TULP4: variants seen among roughly 807,000 people sequenced by gnomAD.
TULP4 encodes the protein tubby-related protein 4.
Under a neutral mutation model 129.0 loss-of-function variants are expected in TULP4, and 16 were observed. The ratio of observed to expected loss-of-function variants is 0.12; its 90% CI spans 0.08 to 0.19. The LOEUF (loss-of-function observed/expected upper bound fraction) is 0.19. Among genes scored for constraint, TULP4 ranks in the 10% least tolerant of loss-of-function variants. The probability of loss-of-function intolerance (pLI) is 1.00; values close to 1 mark genes in which losing one functional copy is unlikely to be tolerated. For synonymous variants in TULP4, 998 were observed against 854.0 expected (o/e 1.17, Z -2.94); for missense variants, 1,842 against 2,059.1 (o/e 0.89, Z 2.04).
At chr6:158,396,833 CT>C (rs1777729185) in intron 1 of TULP4, among the ~76,000 whole-genome samples, 1 of 152,154 alleles carries the variant, frequency 6.6e-6, no homozygotes, top group African/African-American at 2.4e-5. Flanking sequence ...AATGTATGTA[CT>C]TTCCCCCCAA....
chr6:158,488,291 A>T (rs1042432756), intron 8 of TULP4, among the ~76,000 whole-genome samples: 1 of 152,164 alleles, frequency 6.6e-6, no homozygotes, highest in Non-Finnish European at 1.5e-5. Flanking sequence ...CATAGCTGAG[A>T]TTCCTTTGAT....
intron 3 of TULP4, among the ~76,000 whole-genome samples, chr6:158,439,565 C>T (rs1778835641): frequency 6.6e-6 from 1 of 152,274 alleles, no homozygotes; most frequent in African/African-American, 2.4e-5. Context: ...AATCCTGATG[C>T]ACCTGGTCTT....
intron 1 of TULP4, among the ~76,000 whole-genome samples, chr6:158,232,775 C>T (rs1777622249): frequency 6.6e-6 from 1 of 152,180 alleles, no homozygotes; most frequent in South Asian, 2.1e-4. Context: ...GCTTCCCCGG[C>T]CGCGCCGCCA....
At chr6:158,454,167 A>G (rs978045181) in intron 5 of TULP4, among the ~76,000 whole-genome samples, 27 of 152,198 alleles carry the variant, frequency 1.8e-4, no homozygotes, top group African/African-American at 6.3e-4. Context: ...AGGGACATGA[A>G]TGACGTTGAA....
chr6:158,242,760 C>T (rs1777946918), intron 1 of TULP4: 6 of 432,680 alleles, frequency 1.4e-5, no homozygotes, highest in South Asian at 1.1e-4. Context: ...GCTGTTCTGG[C>T]CGTACCGGTT....
At chr6:158,352,612 G>T (rs1322855286) in intron 1 of TULP4, among the ~76,000 whole-genome samples, 3 of 152,118 alleles carry the variant, frequency 2.0e-5, no homozygotes, top group African/African-American at 7.2e-5. Flanking sequence ...GGCCAGGATG[G>T]TCTTGATCTC....
At chr6:158,420,094 CAAG>C (rs1427743747) in intron 2 of TULP4, among the ~76,000 whole-genome samples, 2 of 152,002 alleles carry the variant, frequency 1.3e-5, no homozygotes, top group African/African-American at 4.8e-5. Context: ...GTTTTGTGGA[CAAG>C]GAGCCAAAAT....
intron 1 of TULP4, among the ~76,000 whole-genome samples, chr6:158,234,247 A>G (rs1777647381): frequency 6.6e-6 from 1 of 152,226 alleles, no homozygotes; most frequent in Non-Finnish European, 1.5e-5. Context: ...CTCTGAATAG[A>G]AAAAGATGTT....
intron 3 of TULP4, among the ~76,000 whole-genome samples, chr6:158,441,569 C>T (rs1489802075): frequency 2.6e-5 from 4 of 152,162 alleles, no homozygotes; most frequent in Non-Finnish European, 5.9e-5. Context: ...TGCTCTACAG[C>T]CCCTGACCTT....
rs2128270654 is a variant in TULP4, at chr6:158,510,312, T to A, written c.*3618T>A. The A allele has an allele frequency of 6.6e-6, 1 of 152,442 alleles. No homozygotes were observed. The highest frequency in any genetic ancestry group is 1.9e-4 in the East Asian group (1 of 5,192). 9.4% of individuals were successfully genotyped at this position (152,442 alleles called of 1,614,324 possible). ...ATGGAAGAATGTGTTATGTTCATCT[T>A]GTAATCATAGCAAAAAGTCTGCAAA... On this transcript the variant is annotated 3_prime_UTR_variant, in exon 14 of 14. Coordinates refer to ENST00000367097, the MANE Select transcript of TULP4 (RefSeq NM_020245.5).
intron 2 of TULP4, among the ~76,000 whole-genome samples, chr6:158,420,764 G>A (rs945227437): frequency 3.3e-5 from 5 of 151,856 alleles, no homozygotes; most frequent in Admixed American, 2.0e-4. Flanking sequence ...GACTACAGGC[G>A]TGAGCCACCT....
In TULP4 at chr6:158,238,166, G is replaced by A; in HGVS notation, n.68+5863G>A. On this transcript the variant is annotated intron_variant and non_coding_transcript_variant, in intron 1 of 1. Coordinates refer to the TULP4 transcript ENST00000620026. ...TGCTTCTCAATATTAGACATGCTAA[G>A]AAATATTCTCTTGAGAAATTTTCAA... 6 of 772,694 alleles carry A rather than the reference G, an allele frequency of 7.8e-6. No homozygotes were observed. The South Asian group carries it at 8.1e-5, about 10-fold the overall frequency. The allele number at this position is 772,694 out of a possible 1,614,324, so 47.9% of individuals were successfully genotyped here.
upstream of TULP4, among the ~76,000 whole-genome samples, chr6:158,278,475 C>A (rs1024213299): frequency 1.3e-5 from 2 of 151,000 alleles, no homozygotes; most frequent in African/African-American, 4.9e-5. Context: ...AAACTATTAT[C>A]TGTATGCTCA....
intron 3 of TULP4, 106 bp downstream of exon 3, chr6:158,430,003 C>A: frequency 9.2e-7 from 1 of 1,092,164 alleles, no homozygotes; most frequent in Non-Finnish European, 1.3e-6. Context: ...CTTTAAGAAT[C>A]ACAATGGAAA....
At chr6:158,495,975 G>A (rs1194298741) in intron 11 of TULP4, among the ~76,000 whole-genome samples, 1 of 152,170 alleles carries the variant, frequency 6.6e-6, no homozygotes, top group East Asian at 1.9e-4. Flanking sequence ...AGCCAAGGGA[G>A]TAAAAGCCAG....
At chr6:158,429,627 G>T in intron 2 of TULP4, 109 bp from the exon 3 acceptor site, 1 of 1,186,674 alleles carries the variant, frequency 8.4e-7, no homozygotes, top group Admixed American at 2.4e-5. Context: ...ATATTTTAAG[G>T]CCATCTCCAT....
chr6:158,505,345 CT>C (rs1165229317), intron 13 of TULP4, among the ~76,000 whole-genome samples: 2 of 152,364 alleles, frequency 1.3e-5, no homozygotes, highest in East Asian at 3.9e-4. Flanking sequence ...GGTTGGCATA[CT>C]GGCCTTTGGG....
chr6:158,496,487 T>C (rs576424875), intron 11 of TULP4, among the ~76,000 whole-genome samples: 2 of 152,358 alleles, frequency 1.3e-5, no homozygotes, highest in South Asian at 4.1e-4. Context: ...AACATGAAAC[T>C]GACTTAGGGA....
intron 1 of TULP4, among the ~76,000 whole-genome samples, chr6:158,332,595 G>A (rs1779938058): frequency 6.6e-6 from 1 of 152,128 alleles, no homozygotes; most frequent in Non-Finnish European, 1.5e-5. Flanking sequence ...TTGGCAGCTG[G>A]GAGTATGGAC....
Sources: allele counts gnomAD v4.1 joint callset (sites outside exome capture counted in the v4.1 genomes callset), GRCh38; gene constraint gnomAD v4.1.1; transcripts MANE v1.5; gene names NCBI Gene and HGNC (gene_info 2026-07-23, HGNC 2026-07-21).